SLC35D4: variants seen among roughly 807,000 people sequenced by gnomAD.
SLC35D4 encodes solute carrier family 35 member D4.
the SLC35D4 span, among the ~76,000 whole-genome samples, chr18:23,385,642 C>T: frequency 6.6e-6 from 1 of 151,896 alleles, no homozygotes; most frequent in African/African-American, 2.4e-5. Context: ...GGAAGGGGGA[C>T]GTGAGGGACA....
At chr18:23,396,864 CA>C in the SLC35D4 span, among the ~76,000 whole-genome samples, 69 of 139,810 alleles carry the variant, frequency 4.9e-4, no homozygotes, top group Admixed American at 5.1e-4. Context: ...AAATGTCTTG[CA>C]AAAAAAAAAA....
chr18:23,335,012 AAAAG>A, the SLC35D4 span, among the ~76,000 whole-genome samples: 1 of 152,114 alleles, frequency 6.6e-6, no homozygotes, highest in African/African-American at 2.4e-5. Flanking sequence ...CTCAAAAAAA[AAAAG>A]AAAGCAAGCA....
chr18:23,383,069 T>G, the SLC35D4 span, among the ~76,000 whole-genome samples: 1 of 152,028 alleles, frequency 6.6e-6, no homozygotes, highest in Non-Finnish European at 1.5e-5. Flanking sequence ...GGCTACCAAG[T>G]GAGAAGCAGG....
At chr18:23,253,114 T>C in the SLC35D4 span, 3 of 1,017,194 alleles carry the variant, frequency 2.9e-6, no homozygotes, top group Non-Finnish European at 4.7e-6. Flanking sequence ...AAACCCCTCT[T>C]TCCACACACC....
chr18:23,325,829 C>T, the SLC35D4 span, among the ~76,000 whole-genome samples: 2 of 150,006 alleles, frequency 1.3e-5, no homozygotes, highest in Non-Finnish European at 3.0e-5. Flanking sequence ...CTGGCAAGGG[C>T]CCCCCCACCC....
the SLC35D4 span, among the ~76,000 whole-genome samples, chr18:23,288,245 G>A: frequency 1.3e-5 from 2 of 152,058 alleles, no homozygotes; most frequent in African/African-American, 2.4e-5. Flanking sequence ...CTGGTTTATC[G>A]ATGGCAGTTC....
At chr18:23,338,376 T>C in the SLC35D4 span, among the ~76,000 whole-genome samples, 1 of 152,206 alleles carries the variant, frequency 6.6e-6, no homozygotes, top group Non-Finnish European at 1.5e-5. Context: ...CACTGGTTAA[T>C]TTCATGAGAG....
At chr18:23,238,582 C>T in the SLC35D4 span, among the ~76,000 whole-genome samples, 1 of 152,350 alleles carries the variant, frequency 6.6e-6, no homozygotes, top group East Asian at 1.9e-4. Context: ...TCATCTTTGG[C>T]AGAGGCAAGC....
the SLC35D4 span, among the ~76,000 whole-genome samples, chr18:23,397,423 C>T: frequency 1.3e-5 from 2 of 152,108 alleles, no homozygotes; most frequent in Non-Finnish European, 2.9e-5. Context: ...TTGTTGGGGG[C>T]AGCTGTACAA....
the SLC35D4 span, among the ~76,000 whole-genome samples, chr18:23,280,733 G>A: frequency 2.3e-4 from 35 of 152,032 alleles, no homozygotes; most frequent in Middle Eastern, 6.8e-3. Context: ...GGCAACAGGA[G>A]ACTGTTGTGC....
At chr18:23,322,396 G>A in the SLC35D4 span, among the ~76,000 whole-genome samples, 1 of 152,096 alleles carries the variant, frequency 6.6e-6, no homozygotes, top group Non-Finnish European at 1.5e-5. Context: ...AGGTGGAGTG[G>A]GCAGTAGAAT....
chr18:23,252,826 C>G, the SLC35D4 span: 2 of 604,652 alleles, frequency 3.3e-6, no homozygotes, highest in Non-Finnish European at 6.0e-6. Flanking sequence ...TCCGCCGAGC[C>G]CTTGTTGTAG....
chr18:23,275,016 T>TGCTTGTGTGAGTGTCGTATGC, the SLC35D4 span, among the ~76,000 whole-genome samples: 1 of 149,216 alleles, frequency 6.7e-6, no homozygotes, highest in Non-Finnish European at 1.5e-5. Context: ...TGTATGTGTG[T>TGCTTGTGTGAGTGTCGTATGC]GCTTGTGTGT....
chr18:23,330,532 T>TCAAACTCTGAC, the SLC35D4 span, among the ~76,000 whole-genome samples: 1 of 152,068 alleles, frequency 6.6e-6, no homozygotes, highest in East Asian at 1.9e-4. Context: ...ACAGGAAAAT[T>TCAAACTCTGAC]CAAACTCTGA....
the SLC35D4 span, among the ~76,000 whole-genome samples, chr18:23,242,163 G>A: frequency 6.6e-6 from 1 of 151,996 alleles, no homozygotes; most frequent in Non-Finnish European, 1.5e-5. Context: ...CTGTAATCCT[G>A]GCTACTCAGG....
the SLC35D4 span, among the ~76,000 whole-genome samples, chr18:23,294,170 A>G: frequency 2.0e-5 from 3 of 152,134 alleles, no homozygotes; most frequent in African/African-American, 7.2e-5. Context: ...TCCTAATAGA[A>G]AGCACGTTCT....
the SLC35D4 span, among the ~76,000 whole-genome samples, chr18:23,310,702 C>T: frequency 6.6e-6 from 1 of 151,986 alleles, no homozygotes; most frequent in African/African-American, 2.4e-5. Flanking sequence ...GGGAGCAAGG[C>T]AGCAGACAGA....
At chr18:23,397,209 C>G in the SLC35D4 span, among the ~76,000 whole-genome samples, 1 of 152,332 alleles carries the variant, frequency 6.6e-6, no homozygotes, top group South Asian at 2.1e-4. Context: ...GTGTCTCCAA[C>G]CACAGTGAAT....
At chr18:23,309,844 C>G in the SLC35D4 span, 1 of 1,160,374 alleles carries the variant, frequency 8.6e-7, no homozygotes, top group Non-Finnish European at 1.3e-6. Context: ...AGTTCGGATG[C>G]CTGCCATCAG....
Sources: allele counts gnomAD v4.1 joint callset (sites outside exome capture counted in the v4.1 genomes callset), GRCh38; gene constraint gnomAD v4.1.1; transcripts MANE v1.5; gene names NCBI Gene and HGNC (gene_info 2026-07-23, HGNC 2026-07-21).